Variants in AKT3 observed in about 807,000 individuals in gnomAD.
AKT3 encodes the protein AKT serine/threonine kinase 3.
AKT3 carries 15 observed loss-of-function variants against 65.3 expected under a neutral mutation model. That is an observed-to-expected ratio of 0.23 (90% CI 0.15 to 0.35). The LOEUF is 0.35. AKT3 is among the 10% of genes least tolerant of loss of function. AKT3 has a pLI of 1.00. For missense variants in AKT3, 243 were observed against 576.5 expected, an observed-to-expected ratio of 0.42 and a Z score of 5.92; for synonymous variants, 206 against 183.8, an observed-to-expected ratio of 1.12 and a Z score of -0.98.
intron 2 of AKT3, among the ~76,000 whole-genome samples, chr1:243,788,125 T>C (rs535187323): frequency 5.9e-5 from 9 of 152,312 alleles, no homozygotes; most frequent in Non-Finnish European, 7.3e-5. Flanking sequence ...TTTTGAGGAA[T>C]ACCTACCTGC....
At chr1:243,810,795 C>T (rs1243245711) in intron 2 of AKT3, among the ~76,000 whole-genome samples, 2 of 152,152 alleles carry the variant, frequency 1.3e-5, no homozygotes, top group Admixed American at 1.3e-4. Context: ...ACTGGCAAAC[C>T]AAATCCAGCA....
chr1:243,802,745 T>C (rs1692453047), intron 2 of AKT3, among the ~76,000 whole-genome samples: 1 of 152,228 alleles, frequency 6.6e-6, no homozygotes, highest in Non-Finnish European at 1.5e-5. Flanking sequence ...CAAGTAGTTT[T>C]ATATTTTGGT....
chr1:243,715,803 A>T (rs1297281902), intron 2 of AKT3, among the ~76,000 whole-genome samples: 1 of 152,102 alleles, frequency 6.6e-6, no homozygotes, highest in Non-Finnish European at 1.5e-5. Flanking sequence ...TTCTTAGTGG[A>T]GAAAAAAAAA....
rs557297388 is a variant in AKT3 at position 243,710,724 on chromosome 1, C to T, written c.47-15008G>A. Among the ~76,000 whole-genome samples the T allele has an allele frequency of 4.1e-4, 62 of 152,266 alleles. No individual in the cohort carries two copies. The South Asian group carries it at 7.7e-3, about 19-fold the overall frequency. On this transcript the variant is annotated intron_variant, in intron 2 of 13. Transcript: ENST00000673466. ...TTTAGGTTTACTGACTTCCTCATGT[C>T]GACCAAAGCCATATCCTCTTTACTT...
chr1:243,803,715 A>C (rs1422633475), intron 2 of AKT3, among the ~76,000 whole-genome samples: 1 of 151,736 alleles, frequency 6.6e-6, no homozygotes, highest in South Asian at 2.1e-4. Context: ...GAAATGTGCC[A>C]AAAATGTTAA....
chr1:243,818,125 A>G (rs1693638468), intron 2 of AKT3: 1 of 152,204 alleles, frequency 6.6e-6, no homozygotes, highest in Admixed American at 6.5e-5. Flanking sequence ...TAGAAAGTCA[A>G]CCCCTGCTTA....
intron 9 of AKT3, among the ~76,000 whole-genome samples, chr1:243,571,142 C>A (rs1674531183): frequency 6.6e-6 from 1 of 152,020 alleles, no homozygotes; most frequent in South Asian, 2.1e-4. Flanking sequence ...CTCCGTGAAA[C>A]CCTGTCTCTA....
intron 5 of AKT3, among the ~76,000 whole-genome samples, chr1:243,645,064 C>T (rs1173249492): frequency 2.0e-5 from 3 of 152,072 alleles, no homozygotes. Flanking sequence ...ACCAAGTCCA[C>T]AAGTTTAACG....
chr1:243,572,992 A>G lies in AKT3; in HGVS notation c.753T>C (p.Tyr251=), dbSNP rs373039559. The change falls in exon 9 of 14, where the codon TAT becomes TAC. Residue 251 remains tyrosine, a synonymous_variant. Coordinates refer to ENST00000673466, the MANE Select transcript of AKT3 (RefSeq NM_005465.7). ...RVFSEDRTRF[Y]GAEIVSALDY... Reference sequence around the variant, plus strand: ...CCAAGGCAGAGACAATTTCTGCACCATAGAAACGTGTGCGGTCCTCAGAGA... The same window carrying G: ...CCAAGGCAGAGACAATTTCTGCACCGTAGAAACGTGTGCGGTCCTCAGAGA... 7 of 1,613,218 alleles carry G rather than the reference A, an allele frequency of 4.3e-6. No individual in the cohort carries two copies. The highest frequency in any genetic ancestry group is 3.3e-5 in the Admixed American group (2 of 59,956).
At chr1:243,591,801 A>C (rs1358811916) in intron 8 of AKT3, among the ~76,000 whole-genome samples, 1 of 152,212 alleles carries the variant, frequency 6.6e-6, no homozygotes, top group Non-Finnish European at 1.5e-5. Context: ...ACTGGAGAAG[A>C]AAGTATTAGT....
In AKT3 at chr1:243,843,222, AGCTTTAGGGTTTGGATTCTCT is replaced by A; in HGVS notation, c.-73_-53del. 6.3e-7 allele frequency: 1 copy of A among 1,592,280 alleles called. No individual in the cohort carries two copies. Among genetic ancestry groups the A allele is most frequent in the Non-Finnish European group, 8.6e-7 (1 of 1,166,712 alleles). On this transcript the variant is annotated 5_prime_UTR_variant, in exon 2 of 14. Coordinates refer to ENST00000673466, the MANE Select transcript of AKT3 (RefSeq NM_005465.7). ...TGGAGAAATGGTACTTTGTGATATC[AGCTTTAGGGTTTGGATTCTCT>A]GCTGCTGCTGCCCTTCCCACTCTCT...
chr1:243,787,872 A>G (rs527460503), intron 2 of AKT3, among the ~76,000 whole-genome samples: 2 of 152,074 alleles, frequency 1.3e-5, no homozygotes, highest in East Asian at 3.9e-4. Flanking sequence ...CCTCTCCTAC[A>G]TTAATCTTCT....
intron 2 of AKT3, among the ~76,000 whole-genome samples, chr1:243,700,723 C>T (rs1313063005): frequency 1.3e-5 from 2 of 151,998 alleles, no homozygotes; most frequent in African/African-American, 4.8e-5. Context: ...AGGATGGTCT[C>T]GATCCCTTGA....
intron 11 of AKT3, among the ~76,000 whole-genome samples, chr1:243,547,686 T>C (rs1672768928): frequency 6.6e-6 from 1 of 152,232 alleles, no homozygotes; most frequent in Non-Finnish European, 1.5e-5. Flanking sequence ...AAATCATTTA[T>C]AATTATATAA....
chr1:243,607,398 G>A (rs1027841570), intron 8 of AKT3, among the ~76,000 whole-genome samples: 1 of 152,248 alleles, frequency 6.6e-6, no homozygotes, highest in South Asian at 2.1e-4. Context: ...GGAGTTAAAG[G>A]AGATCATTTT....
At chr1:243,655,915 A>G (rs565850479) in intron 4 of AKT3, among the ~76,000 whole-genome samples, 2 of 152,176 alleles carry the variant, frequency 1.3e-5, no homozygotes, top group Non-Finnish European at 2.9e-5. Flanking sequence ...TTCTTTCTTC[A>G]ATACAGTTTT....
intron 4 of AKT3, among the ~76,000 whole-genome samples, chr1:243,662,769 C>T (rs1682467524): frequency 6.6e-6 from 1 of 151,878 alleles, no homozygotes; most frequent in Admixed American, 6.6e-5. Context: ...AATGTCCAAA[C>T]ACCAGATTCT....
chr1:243,691,239 A>G (rs1684671348), intron 3 of AKT3, among the ~76,000 whole-genome samples: 1 of 152,222 alleles, frequency 6.6e-6, no homozygotes, highest in Non-Finnish European at 1.5e-5. Flanking sequence ...GGAATTATAA[A>G]CAGTTCAGTA....
intron 6 of AKT3, among the ~76,000 whole-genome samples, chr1:243,634,265 T>G (rs1478482646): frequency 6.6e-6 from 1 of 152,082 alleles, no homozygotes; most frequent in Non-Finnish European, 1.5e-5. Flanking sequence ...ATTCTTGTAT[T>G]ATTATTTTTG....
Sources: gnomAD v4.1 joint callset for allele counts (sites outside exome capture counted in the v4.1 genomes callset) on GRCh38, gnomAD v4.1.1 for gene constraint, MANE v1.5 for transcripts, NCBI Gene and HGNC (gene_info 2026-07-23, HGNC 2026-07-21) for gene names.